GLIS3: variants seen among roughly 807,000 people sequenced by gnomAD.
The protein encoded by GLIS3 is zinc finger protein GLIS3.
A neutral mutation model predicts 78.6 loss-of-function variants in GLIS3; 53 were observed. The ratio of observed to expected loss-of-function variants is 0.67; its 90% CI spans 0.54 to 0.85. The LOEUF is 0.85. GLIS3 is among the 40% of genes least tolerant of loss of function. The pLI is 0.00. For synonymous variants in GLIS3, 684 were observed against 509.9 expected, an observed-to-expected ratio of 1.34 and a Z score of -4.60; for missense variants, 1,703 against 1,231.1, an observed-to-expected ratio of 1.38 and a Z score of -5.74.
intron 4 of GLIS3, among the ~76,000 whole-genome samples, chr9:3,984,866 C>T (rs571128508): frequency 2.0e-5 from 3 of 152,214 alleles, no homozygotes; most frequent in South Asian, 4.1e-4. Flanking sequence ...GAATGAGTCT[C>T]GCGAGATCTG....
intron 4 of GLIS3, among the ~76,000 whole-genome samples, chr9:3,969,138 G>A (rs1818183709): frequency 6.6e-6 from 1 of 152,196 alleles, no homozygotes; most frequent in Non-Finnish European, 1.5e-5. Flanking sequence ...CCAAGGTGTA[G>A]TGTGATGAAA....
intron 8 of GLIS3, among the ~76,000 whole-genome samples, chr9:3,858,027 C>T (rs906168777): frequency 2.0e-5 from 3 of 152,104 alleles, no homozygotes; most frequent in African/African-American, 4.8e-5. Context: ...GAGATGGAGG[C>T]GGGAAGGATC....
intron 4 of GLIS3, among the ~76,000 whole-genome samples, chr9:4,048,590 T>C (rs994827984): frequency 5.3e-5 from 8 of 152,164 alleles, no homozygotes; most frequent in African/African-American, 9.7e-5. Context: ...CTGAAGCCAA[T>C]GACCTAATGA....
intron 7 of GLIS3, among the ~76,000 whole-genome samples, chr9:3,897,789 T>C (rs548721817): frequency 1.3e-5 from 2 of 152,346 alleles, no homozygotes; most frequent in South Asian, 4.1e-4. Flanking sequence ...GCAATGCATC[T>C]GTAAATTTTA....
chr9:4,360,242 C>T, the GLIS3 span, among the ~76,000 whole-genome samples: 4 of 152,116 alleles, frequency 2.6e-5, no homozygotes, highest in African/African-American at 9.7e-5. Flanking sequence ...CATCAACGCG[C>T]TCTGTGTCTC....
Position 4,345,273 on chromosome 9 carries a change from G to C in GLIS3, n.264+1808C>G, listed in dbSNP as rs185140901. 4.6e-4 allele frequency among the ~76,000 whole-genome samples: 70 copies of C among 152,116 alleles called. 1 individual carries two copies. The highest frequency in any genetic ancestry group is 6.8e-3 in the Middle Eastern group (2 of 294). On this transcript the variant is annotated intron_variant and non_coding_transcript_variant, in intron 2 of 4. Coordinates refer to the GLIS3 transcript ENST00000471664. ...ACACTTAGCCAGTTTTCTCACCTAC[G>C]TCAGGCATTTTTGCTCAAATGCCAC...
Position 4,254,699 on chromosome 9 carries a change from G to A in GLIS3, c.388+31339C>T, listed in dbSNP as rs1380032802. ...TACTAAAAATACAAAAATTAGCCGG[G>A]CATGGTGGCAAACGCCTGTAATCCC... is the stretch of plus-strand genomic sequence containing the variant. On this transcript the variant is annotated intron_variant, in intron 2 of 10. Coordinates refer to ENST00000381971, the MANE Select transcript of GLIS3 (RefSeq NM_001042413.2). Among the ~76,000 whole-genome samples, 7 of 152,166 alleles carry A rather than the reference G, an allele frequency of 4.6e-5. 1 individual carries two copies. Among genetic ancestry groups the A allele is most frequent in the Admixed American group, 3.9e-4 (6 of 15,286 alleles).
At chr9:4,060,767 A>G (rs1044752456) in intron 4 of GLIS3, among the ~76,000 whole-genome samples, 5 of 152,186 alleles carry the variant, frequency 3.3e-5, no homozygotes, top group Non-Finnish European at 7.3e-5. Flanking sequence ...TTGTTAAATT[A>G]TCCAGTTTTG....
chr9:4,482,785 T>C, the GLIS3 span, among the ~76,000 whole-genome samples: 1 of 152,076 alleles, frequency 6.6e-6, no homozygotes, highest in Non-Finnish European at 1.5e-5. Context: ...AACTATTTTT[T>C]AAAAAGGGAA....
At chr9:4,267,963 G>A (rs567232517) in intron 2 of GLIS3, among the ~76,000 whole-genome samples, 1 of 152,096 alleles carries the variant, frequency 6.6e-6, no homozygotes, top group South Asian at 2.1e-4. Flanking sequence ...GTGTGTGTGT[G>A]TGTGTGTGTG....
chr9:4,361,808 G>T, the GLIS3 span, among the ~76,000 whole-genome samples: 11 of 152,094 alleles, frequency 7.2e-5, no homozygotes, highest in African/African-American at 2.7e-4. Flanking sequence ...CCCTAAATTT[G>T]GTTGCAGATC....
At chr9:4,449,251 G>A in the GLIS3 span, among the ~76,000 whole-genome samples, 20 of 152,210 alleles carry the variant, frequency 1.3e-4, no homozygotes, top group African/African-American at 4.6e-4. Context: ...CTGCGAATCA[G>A]CAGCCTGCCA....
At chr9:4,238,864 A>C (rs1823025012) in intron 2 of GLIS3, among the ~76,000 whole-genome samples, 2 of 152,102 alleles carry the variant, frequency 1.3e-5, no homozygotes, top group African/African-American at 2.4e-5. Context: ...ATGGACTCTA[A>C]CTACTAAGAC....
At chr9:4,252,091 G>A (rs1035348856) in intron 2 of GLIS3, among the ~76,000 whole-genome samples, 2 of 152,088 alleles carry the variant, frequency 1.3e-5, no homozygotes, top group East Asian at 3.9e-4. Context: ...TCTTGGGGTT[G>A]CTCTTCTCAA....
chr9:4,165,781 T>C (rs1225711108), intron 2 of GLIS3, among the ~76,000 whole-genome samples: 1 of 152,202 alleles, frequency 6.6e-6, no homozygotes, highest in Admixed American at 6.5e-5. Context: ...AACAAGTTTC[T>C]GGGGATAACA....
chr9:3,920,903 T>C (rs1293699344), intron 6 of GLIS3, among the ~76,000 whole-genome samples: 1 of 152,206 alleles, frequency 6.6e-6, no homozygotes, highest in Non-Finnish European at 1.5e-5. Flanking sequence ...GCCAGCTCTC[T>C]ACCTATATTT....
chr9:3,906,157 C>A (rs1026570701), intron 6 of GLIS3, among the ~76,000 whole-genome samples: 4 of 152,172 alleles, frequency 2.6e-5, no homozygotes, highest in African/African-American at 9.7e-5. Flanking sequence ...GTGAGGCCTT[C>A]AAGCACATGA....
chr9:4,385,801 GAAAGAAAGAAAAGAAAGAAAGAGA>G, the GLIS3 span, among the ~76,000 whole-genome samples: 1 of 66,018 alleles, frequency 1.5e-5, no homozygotes, highest in African/African-American at 7.4e-5. Context: ...AAGAAAGAAA[GAAAGAAAGAAAAGAAAGAAAGAGA>G]AAAGAAAGAA....
At chr9:3,871,092 G>C (rs372859219) in intron 8 of GLIS3, among the ~76,000 whole-genome samples, 111 of 152,338 alleles carry the variant, frequency 7.3e-4, no homozygotes, top group African/African-American at 2.6e-3. Context: ...TCAAAATCCA[G>C]TTGGGCAGTC....
Sources: allele counts gnomAD v4.1 joint callset (sites outside exome capture counted in the v4.1 genomes callset), GRCh38; gene constraint gnomAD v4.1.1; transcripts MANE v1.5; gene names NCBI Gene and HGNC (gene_info 2026-07-23, HGNC 2026-07-21).